The following ANAPC5 variants were observed in gnomAD, a reference collection of about 807,000 sequenced individuals.
ANAPC5 encodes the protein anaphase promoting complex subunit 5, also known as anaphase-promoting complex subunit 5.
Under a neutral mutation model 91.3 loss-of-function variants are expected in ANAPC5, and 60 were observed. The observed-to-expected ratio is 0.66, with a 90% CI of 0.53 to 0.81. The LOEUF is 0.81. ANAPC5 is among the 40% of genes least tolerant of loss of function. The pLI is 0.00. For missense variants in ANAPC5, 690 were observed against 931.5 expected, an observed-to-expected ratio of 0.74 and a Z score of 3.37; for synonymous variants, 340 against 364.1, an observed-to-expected ratio of 0.93 and a Z score of 0.75.
At chr12:121,351,167 TC>T in intron 1 of ANAPC5, 1 of 413,776 alleles carries the variant, frequency 2.4e-6, no homozygotes, top group Middle Eastern at 5.3e-4. Flanking sequence ...GTCCAGGAGT[TC>T]CCGGCCAGCC....
At chr12:121,348,243 A>T (rs1272222249) in intron 1 of ANAPC5, among the ~76,000 whole-genome samples, 1 of 152,246 alleles carries the variant, frequency 6.6e-6, no homozygotes, top group South Asian at 2.1e-4. Context: ...ATTAAATAAG[A>T]TAATACAAAG....
At position 121,348,494 on chromosome 12, in the gene ANAPC5, G is replaced by A. The variant is rs185457608; in HGVS notation, c.208-613C>T. Among the ~76,000 whole-genome samples, 141 of 152,066 alleles carry A rather than the reference G, an allele frequency of 9.3e-4. 1 individual carries two copies. Among genetic ancestry groups the A allele is most frequent in the African/African-American group, 3.1e-3 (128 of 41,484 alleles). Reference sequence around the variant, plus strand: ...AGCCTGGCCAACATGGCAAAACCCCGTCTCTACTAAAAACACAAAAATTAG... The same window carrying A: ...AGCCTGGCCAACATGGCAAAACCCCATCTCTACTAAAAACACAAAAATTAG... On this transcript the variant is annotated intron_variant, in intron 1 of 16. Transcript: ENST00000261819.
At chr12:121,322,582 T>C (rs1050693110) in intron 11 of ANAPC5, among the ~76,000 whole-genome samples, 1 of 152,268 alleles carries the variant, frequency 6.6e-6, no homozygotes, top group Non-Finnish European at 1.5e-5. Context: ...CGTAGTATTT[T>C]ATCGGGAAAA....
chr12:121,329,505 G>C (rs1413498101), intron 9 of ANAPC5, among the ~76,000 whole-genome samples: 1 of 152,038 alleles, frequency 6.6e-6, no homozygotes, highest in African/African-American at 2.4e-5. Flanking sequence ...CCATTTTACT[G>C]AAGTCTGTCA....
At chr12:121,345,726 A>G in intron 4 of ANAPC5, 113 bp downstream of exon 4, 1 of 1,096,058 alleles carries the variant, frequency 9.1e-7, no homozygotes. Context: ...CCAGATCTGG[A>G]AGGGTAAAAA....
chr12:121,333,508 G>A (rs181874908), intron 7 of ANAPC5: 17 of 152,270 alleles, frequency 1.1e-4, no homozygotes, highest in East Asian at 3.9e-4. Flanking sequence ...GTTATTAAAT[G>A]TGGGAAGACC....
chr12:121,335,801 T>C (rs1903212974), intron 6 of ANAPC5, 78 bp from the exon 7 acceptor site: 1 of 1,251,550 alleles, frequency 8.0e-7, no homozygotes, highest in Non-Finnish European at 1.1e-6. Flanking sequence ...AGTTCCACTG[T>C]CTACAAACAC....
chr12:121,330,938 T>C, intron 8 of ANAPC5: 1 of 445,810 alleles, frequency 2.2e-6, no homozygotes, highest in East Asian at 4.3e-5. Flanking sequence ...GAAGCTCCCA[T>C]ATGGCCTTCA....
chr12:121,337,441 T>C (rs782538599), intron 5 of ANAPC5, 49 bp from the exon 6 acceptor site: 2 of 1,318,582 alleles, frequency 1.5e-6, no homozygotes, highest in South Asian at 1.2e-5. Flanking sequence ...TCAATAAACA[T>C]ATGAAAAGAT....
At chr12:121,328,894 A>C (rs1455679934) in intron 9 of ANAPC5, 1 of 173,370 alleles carries the variant, frequency 5.8e-6, no homozygotes, top group Non-Finnish European at 1.2e-5. Flanking sequence ...AATAGATGTC[A>C]AACAGTGCTG....
chr12:121,313,385 G>A (rs533521601), intron 15 of ANAPC5, among the ~76,000 whole-genome samples: 1 of 152,020 alleles, frequency 6.6e-6, no homozygotes, highest in African/African-American at 2.4e-5. Flanking sequence ...CTAACTAACA[G>A]AACCAAGGAA....
intron 3 of ANAPC5, 48 bp from the exon 4 acceptor site, chr12:121,346,079 G>T: frequency 6.7e-7 from 1 of 1,495,350 alleles, no homozygotes; most frequent in Admixed American, 2.0e-5. Context: ...CTGACATCCA[G>T]GCTACGCAAT....
rs1419696381 is a variant in ANAPC5 at position 121,309,762 on chromosome 12, G to A, written c.1995C>T (p.Phe665=). Residue 665 remains phenylalanine, a synonymous_variant, in exon 16 of 17, where the codon TTC becomes TTT. Coordinates refer to ENST00000261819, the MANE Select transcript of ANAPC5 (RefSeq NM_016237.5). ...AAGCCACCTGGCACTTGGCCACTAA[G>A]AACATGGCACGACCTTTGTCCAGGA... ...GAILDKGRAM[F]LVAKCQVASA... is the part of the protein sequence containing the mutation. The A allele has an allele frequency of 6.2e-7, 1 of 1,614,010 alleles. No homozygotes were observed. Among genetic ancestry groups the A allele is most frequent in the Non-Finnish European group, 8.5e-7 (1 of 1,180,020 alleles).
chr12:121,337,119 G>A (rs1300456333), intron 6 of ANAPC5, among the ~76,000 whole-genome samples, 172 bp downstream of exon 6: 1 of 152,200 alleles, frequency 6.6e-6, no homozygotes, highest in Non-Finnish European at 1.5e-5. Flanking sequence ...CTGGGAGGCT[G>A]AGGCAGGAGA....
intron 10 of ANAPC5, chr12:121,327,469 C>T (rs1593587327): frequency 1.9e-6 from 1 of 513,000 alleles, no homozygotes; most frequent in South Asian, 2.4e-5. Context: ...GCTGGGAGTA[C>T]ACGCTCCCAG....
intron 11 of ANAPC5, among the ~76,000 whole-genome samples, chr12:121,323,734 G>A (rs1041071117): frequency 6.6e-6 from 1 of 152,036 alleles, no homozygotes; most frequent in African/African-American, 2.4e-5. Context: ...GGCCACATGT[G>A]GACTTTTATT....
chr12:121,313,928 A>G (rs768072998), intron 15 of ANAPC5, among the ~76,000 whole-genome samples: 4 of 152,236 alleles, frequency 2.6e-5, no homozygotes, highest in Non-Finnish European at 4.4e-5. Context: ...AAAGCCAAAG[A>G]AAGATATCAC....
Position 121,318,510 on chromosome 12 carries a change from A to G in ANAPC5, c.1736T>C (p.Met579Thr), listed in dbSNP as rs773683519. Residue 579 changes from methionine (M) to threonine (T), a missense_variant, in exon 14 of 17, where the codon ATG becomes ACG. Around this residue, in one of 5 missense-constraint regions of ANAPC5, gnomAD observed 317 missense variants for 438.7 expected, o/e 0.72. Transcript: ENST00000261819. ...VHCQKLKNTE[M>T]VISVLLSVAE... ...ACAAGAGACCCCTTACCTGATCACC[A>G]TTTCTGTGTTCTTCAGTTTCTGACA... 2 of 1,614,104 alleles carry G rather than the reference A, an allele frequency of 1.2e-6. No homozygotes were observed. The highest frequency in any genetic ancestry group is 1.1e-5 in the South Asian group (1 of 91,074).
chr12:121,334,980 A>C (rs1232225036), intron 7 of ANAPC5: 1 of 151,142 alleles, frequency 6.6e-6, no homozygotes, highest in Non-Finnish European at 1.5e-5. Flanking sequence ...GGTTTTCATA[A>C]ACTGTTCCAG....
Sources: gnomAD v4.1 joint callset for allele counts (sites outside exome capture counted in the v4.1 genomes callset) on GRCh38, gnomAD v4.1.1 for gene constraint, gnomAD v4.1.1 regional missense constraint, MANE v1.5 for transcripts, NCBI Gene and HGNC (gene_info 2026-07-23, HGNC 2026-07-21) for gene names.